GREM2: variants seen among roughly 807,000 people sequenced by gnomAD.
GREM2 encodes gremlin-2.
A neutral mutation model predicts 14.2 loss-of-function variants in GREM2; 11 were observed. That is an observed-to-expected ratio of 0.78 (90% CI 0.49 to 1.28). The LOEUF (loss-of-function observed/expected upper bound fraction) is 1.28, where lower values mean the gene tolerates loss of function less well. Among genes scored for constraint, GREM2 ranks in the 50% most tolerant of loss-of-function variants. GREM2 has a pLI of 0.00. For missense variants in GREM2, 210 were observed against 218.5 expected, an observed-to-expected ratio of 0.96 and a Z score of 0.24; for synonymous variants, 98 against 97.6, an observed-to-expected ratio of 1.00 and a Z score of -0.02.
intron 1 of GREM2, among the ~76,000 whole-genome samples, chr1:240,523,661 G>A (rs1339174114): frequency 6.6e-6 from 1 of 151,588 alleles, no homozygotes; most frequent in Admixed American, 6.6e-5. Context: ...GTTTTGTTTT[G>A]TTTTGTTTTT....
intron 1 of GREM2, among the ~76,000 whole-genome samples, chr1:240,518,561 A>C (rs1043175987): frequency 1.3e-5 from 2 of 152,208 alleles, no homozygotes; most frequent in Non-Finnish European, 2.9e-5. Context: ...CTCATGTCTG[A>C]AAGTCAAGAG....
intron 1 of GREM2, among the ~76,000 whole-genome samples, chr1:240,509,774 G>C (rs1044462356): frequency 4.6e-5 from 7 of 152,192 alleles, no homozygotes; most frequent in Non-Finnish European, 1.0e-4. Flanking sequence ...AGAAGCGGAA[G>C]AGAATCTGTA....
At chr1:240,558,252 C>G (rs1934341) in intron 1 of GREM2, among the ~76,000 whole-genome samples, 1 of 151,746 alleles carries the variant, frequency 6.6e-6, no homozygotes, top group Non-Finnish European at 1.5e-5. Flanking sequence ...GGAAGATAAC[C>G]GAAGAATCAG....
intron 1 of GREM2, among the ~76,000 whole-genome samples, chr1:240,581,206 T>C (rs1316685988): frequency 6.7e-6 from 1 of 149,230 alleles, no homozygotes; most frequent in Non-Finnish European, 1.5e-5. Context: ...GCCAAGATTG[T>C]GCCACTGCAC....
At chr1:240,523,254 G>A (rs1051841965) in intron 1 of GREM2, among the ~76,000 whole-genome samples, 2 of 152,114 alleles carry the variant, frequency 1.3e-5, no homozygotes, top group Admixed American at 1.3e-4. Context: ...CACCAGGCCT[G>A]GCTAGTAATA....
At chr1:240,550,923 T>C (rs1363747910) in intron 1 of GREM2, among the ~76,000 whole-genome samples, 1 of 152,184 alleles carries the variant, frequency 6.6e-6, no homozygotes, top group Non-Finnish European at 1.5e-5. Context: ...TTGCAATTAC[T>C]GTAGCAAAAT....
At chr1:240,578,955 A>G (rs1679426770) in intron 1 of GREM2, among the ~76,000 whole-genome samples, 2 of 152,266 alleles carry the variant, frequency 1.3e-5, no homozygotes, top group Non-Finnish European at 2.9e-5. Context: ...CTTATGAGAA[A>G]GATTGGGATT....
chr1:240,514,963 CACA>C (rs1677920592), intron 1 of GREM2, among the ~76,000 whole-genome samples: 10 of 85,078 alleles, frequency 1.2e-4, no homozygotes, highest in African/African-American at 2.9e-4. Flanking sequence ...AACAAACAAA[CACA>C]AAAAAAAAAC....
intron 1 of GREM2, among the ~76,000 whole-genome samples, chr1:240,547,297 A>G (rs371443254): frequency 0.01 from 1,534 of 151,886 alleles, 10 homozygotes; most frequent in Middle Eastern, 0.031. Context: ...GCAGGAGATC[A>G]AGACCATCCT....
intron 1 of GREM2, among the ~76,000 whole-genome samples, chr1:240,578,784 A>AAAAAT (rs150700705): frequency 0.12 from 17,570 of 146,978 alleles, 1,143 homozygotes; most frequent in Middle Eastern, 0.18. Context: ...ACTCAGTCTC[A>AAAAAT]AAAATAAAAT....
At chr1:240,580,925 T>C (rs1679470862) in intron 1 of GREM2, among the ~76,000 whole-genome samples, 1 of 152,094 alleles carries the variant, frequency 6.6e-6, no homozygotes, top group Non-Finnish European at 1.5e-5. Flanking sequence ...TTAAGAATAA[T>C]GTAATAATGG....
chr1:240,588,634 A>G lies in GREM2; in HGVS notation c.-2+23250T>C, dbSNP rs908053397. The G allele has an allele frequency of 3.3e-5, 5 of 152,192 alleles. No homozygotes were observed. The South Asian group carries it at 1.0e-3, about 31-fold the overall frequency. The allele number at this position is 152,192 out of a possible 1,614,324, so 9.4% of individuals were successfully genotyped here. On this transcript the variant is annotated intron_variant, in intron 1 of 1. Transcript: ENST00000318160. ...TTCGTGCAAGGTCACGCAGCTAATT[A>G]TAAGTAGAGCCTGAACCGGAACCTA...
At chr1:240,573,826 G>A (rs528751644) in intron 1 of GREM2, among the ~76,000 whole-genome samples, 16 of 152,134 alleles carry the variant, frequency 1.1e-4, no homozygotes, top group Non-Finnish European at 1.8e-4. Flanking sequence ...CCTGAGTTGC[G>A]GGTAGAGGAT....
chr1:240,495,384 AGTT>A (rs150932424), intron 1 of GREM2, among the ~76,000 whole-genome samples: 5,111 of 152,244 alleles, frequency 0.034, 306 homozygotes, highest in African/African-American at 0.12. Flanking sequence ...AGTATATATC[AGTT>A]GTTATATTTA....
At chr1:240,494,354 A>G (rs9730424) in intron 1 of GREM2, among the ~76,000 whole-genome samples, 5,167 of 152,296 alleles carry the variant, frequency 0.034, 316 homozygotes, top group African/African-American at 0.12. Flanking sequence ...AGCCAGCCAG[A>G]CATCTACCTC....
chr1:240,517,268 AAC>A (rs1253282095), intron 1 of GREM2, among the ~76,000 whole-genome samples: 1 of 152,238 alleles, frequency 6.6e-6, no homozygotes, highest in Admixed American at 6.5e-5. Flanking sequence ...TCGATAGTTT[AAC>A]AGTGTTCCTT....
At chr1:240,520,689 C>T (rs757640580) in intron 1 of GREM2, among the ~76,000 whole-genome samples, 70 of 151,802 alleles carry the variant, frequency 4.6e-4, no homozygotes, top group Non-Finnish European at 9.4e-4. Flanking sequence ...ACTACAGGCA[C>T]GTGCTACCAT....
intron 1 of GREM2, among the ~76,000 whole-genome samples, chr1:240,577,420 A>C (rs543728231): frequency 7.9e-5 from 12 of 152,362 alleles, no homozygotes; most frequent in Admixed American, 6.5e-4. Flanking sequence ...ACAACGACAC[A>C]CACAAATATG....
At chr1:240,524,290 G>A (rs980933885) in intron 1 of GREM2, among the ~76,000 whole-genome samples, 1 of 152,224 alleles carries the variant, frequency 6.6e-6, no homozygotes, top group African/African-American at 2.4e-5. Flanking sequence ...TGGAATTAGA[G>A]GCATGGGCCA....
Sources: allele counts gnomAD v4.1 joint callset (sites outside exome capture counted in the v4.1 genomes callset), GRCh38; gene constraint gnomAD v4.1.1; transcripts MANE v1.5; gene names NCBI Gene and HGNC (gene_info 2026-07-23, HGNC 2026-07-21).